The following IL1R1 variants were observed in gnomAD, a reference collection of about 807,000 sequenced individuals.
IL1R1 encodes the protein interleukin-1 receptor type 1.
IL1R1 carries 22 observed loss-of-function variants against 50.2 expected under a neutral mutation model. The observed-to-expected ratio is 0.44, with a 90% confidence interval of 0.31 to 0.63. IL1R1 has a LOEUF of 0.63. Among genes scored for constraint, IL1R1 ranks in the 20% least tolerant of loss-of-function variants. The probability of loss-of-function intolerance (pLI) is 0.07; values close to 1 mark genes in which losing one functional copy is unlikely to be tolerated. For synonymous variants in IL1R1, 251 were observed against 236.7 expected (o/e 1.06, Z -0.55); for missense variants, 509 against 676.2 (o/e 0.75, Z 2.74).
chr2:102,094,792 G>C (rs772721542), intron 1 of IL1R1, among the ~76,000 whole-genome samples: 1 of 151,850 alleles, frequency 6.6e-6, no homozygotes, highest in African/African-American at 2.4e-5. Context: ...TTCTTATCAG[G>C]TTTTCTTTTA....
In IL1R1 at chr2:102,176,673, C is replaced by A; in HGVS notation, c.1624C>A (p.Arg542=). The A allele has an allele frequency of 6.2e-7, 1 of 1,614,184 alleles. No homozygotes were observed. Among genetic ancestry groups the A allele is most frequent in the Non-Finnish European group, 8.5e-7 (1 of 1,180,034 alleles). The change falls in exon 12 of 12, where the codon CGA becomes AGA. Residue 542 remains arginine (R), a synonymous_variant. Transcript: ENST00000410023. ...KNVRYHMPVQ[R]RSPSSKHQLL... is the part of the protein sequence containing the mutation. ...TGTCAGGTACCACATGCCAGTCCAG[C>A]GACGGTCACCTTCATCTAAACACCA...
chr2:102,176,104 T>C (rs570864924), intron 11 of IL1R1: 52 of 472,772 alleles, frequency 1.1e-4, no homozygotes, highest in African/African-American at 9.4e-4. Flanking sequence ...AGAGGGTCAC[T>C]TGAGCCTAGG....
At chr2:102,072,082 ACCCCGTCTC>A (rs1398819049) in intron 1 of IL1R1, among the ~76,000 whole-genome samples, 195 of 151,930 alleles carry the variant, frequency 1.3e-3, no homozygotes, top group African/African-American at 4.5e-3. Flanking sequence ...ACACGGCAAA[ACCCCGTCTC>A]TAGTAAAAAT....
At chr2:102,081,762 T>G (rs1679217794) in intron 1 of IL1R1, among the ~76,000 whole-genome samples, 1 of 152,144 alleles carries the variant, frequency 6.6e-6, no homozygotes, top group Non-Finnish European at 1.5e-5. Context: ...ATGGCTTCAG[T>G]TTGATAGTGG....
intron 6 of IL1R1, among the ~76,000 whole-genome samples, chr2:102,167,750 G>C (rs765706939): frequency 2.0e-5 from 3 of 151,962 alleles, no homozygotes; most frequent in Admixed American, 6.6e-5. Flanking sequence ...GCCCGGCCAG[G>C]TTAAGTGTGT....
intron 1 of IL1R1, among the ~76,000 whole-genome samples, chr2:102,079,276 G>T (rs2104284396): frequency 6.6e-6 from 1 of 152,142 alleles, no homozygotes; most frequent in Non-Finnish European, 1.5e-5. Flanking sequence ...AGGGAAATTT[G>T]GCAAGAAGAA....
At chr2:102,094,113 A>C (rs919825485) in intron 1 of IL1R1, among the ~76,000 whole-genome samples, 1 of 152,262 alleles carries the variant, frequency 6.6e-6, no homozygotes. Flanking sequence ...TTCATCATGC[A>C]AGTACTTTAA....
chr2:102,171,128 C>T (rs1299098989), intron 7 of IL1R1, among the ~76,000 whole-genome samples: 1 of 152,132 alleles, frequency 6.6e-6, no homozygotes, highest in Non-Finnish European at 1.5e-5. Context: ...GGCCGATGAG[C>T]ACCAAGCTAA....
At chr2:102,145,975 T>A (rs1683085003) in intron 1 of IL1R1, among the ~76,000 whole-genome samples, 1 of 126,866 alleles carries the variant, frequency 7.9e-6, no homozygotes, top group Non-Finnish European at 1.8e-5. Context: ...AGCAAAGTGC[T>A]CAGGAAAAAA....
chr2:102,172,214 T>C, intron 8 of IL1R1: 2 of 932,064 alleles, frequency 2.1e-6, no homozygotes, highest in Non-Finnish European at 2.6e-6. Context: ...TTCATATTCC[T>C]CAAGTAGCTT....
intron 1 of IL1R1, among the ~76,000 whole-genome samples, chr2:102,099,364 A>G (rs1680040061): frequency 6.6e-6 from 1 of 152,190 alleles, no homozygotes; most frequent in South Asian, 2.1e-4. Flanking sequence ...GAGTTCTTCC[A>G]GGGATGGGGC....
chr2:102,168,527 C>T, intron 6 of IL1R1, 71 bp from the exon 7 acceptor site: 1 of 1,189,504 alleles, frequency 8.4e-7, no homozygotes, highest in Non-Finnish European at 1.3e-6. Context: ...GTATGTTTTG[C>T]TAAGTGTTGT....
upstream of IL1R1, among the ~76,000 whole-genome samples, chr2:102,100,574 C>T (rs1213237160): frequency 6.6e-6 from 1 of 152,212 alleles, no homozygotes; most frequent in African/African-American, 2.4e-5. Flanking sequence ...GTGGTAATCT[C>T]ACCATCTAAC....
intron 1 of IL1R1, among the ~76,000 whole-genome samples, chr2:102,121,310 T>A (rs1198216293): frequency 6.6e-6 from 1 of 152,166 alleles, no homozygotes; most frequent in African/African-American, 2.4e-5. Context: ...GCAACTTCTA[T>A]CCCCCTCCTC....
At position 102,073,754 on chromosome 2, in the gene IL1R1, C is replaced by T. The variant is rs114751663; in HGVS notation, c.-84+3221C>T. Among the ~76,000 whole-genome samples, 1,135 of 152,250 alleles carry T rather than the reference C, an allele frequency of 7.5e-3. 12 individuals carry two copies. Among genetic ancestry groups the T allele is most frequent in the African/African-American group, 0.026 (1,064 of 41,546 alleles). ...TTCCAAGGTAGGAGACCATACCATA[C>T]TCATTTGACAGCACCATTTACGGTC... On this transcript the variant is annotated intron_variant, in intron 1 of 11. Coordinates refer to the IL1R1 transcript ENST00000409929.
intron 1 of IL1R1, among the ~76,000 whole-genome samples, chr2:102,096,095 T>C (rs946512120): frequency 6.6e-6 from 1 of 152,264 alleles, no homozygotes; most frequent in African/African-American, 2.4e-5. Context: ...TCAATATATG[T>C]AGCACAACTT....
At chr2:102,172,218 G>A in intron 8 of IL1R1, 1 of 947,914 alleles carries the variant, frequency 1.1e-6, no homozygotes, top group Non-Finnish European at 1.3e-6. Flanking sequence ...TATTCCTCAA[G>A]TAGCTTAGAA....
chr2:102,175,510 C>T lies in IL1R1; in HGVS notation c.1168C>T (p.Leu390=), dbSNP rs2104649532. ...TGGAAAGACCTATGACGCATATATA[C>T]TGTATCCAAAGACTGTTGGGGAAGG... ...SDGKTYDAYI[L]YPKTVGEGST... is the part of the protein sequence containing the mutation. Residue 390 remains leucine (L), a synonymous_variant, in exon 11 of 12, where the codon CTG becomes TTG. Coordinates refer to ENST00000410023, the MANE Select transcript of IL1R1 (RefSeq NM_000877.4). 1 of 1,613,532 alleles carries T rather than the reference C, an allele frequency of 6.2e-7. No homozygotes were observed. The highest frequency in any genetic ancestry group is 8.5e-7 in the Non-Finnish European group (1 of 1,179,502).
chr2:102,112,767 TGTACATA>T (rs1313360804), intron 1 of IL1R1, among the ~76,000 whole-genome samples: 1 of 152,226 alleles, frequency 6.6e-6, no homozygotes, highest in Non-Finnish European at 1.5e-5. Flanking sequence ...CCTTTGTCTG[TGTACATA>T]GATTGAATGT....
Sources: allele counts gnomAD v4.1 joint callset (sites outside exome capture counted in the v4.1 genomes callset), GRCh38; gene constraint gnomAD v4.1.1; transcripts MANE v1.5; gene names NCBI Gene and HGNC (gene_info 2026-07-23, HGNC 2026-07-21).